Variants in TOGARAM1 observed in about 807,000 individuals in gnomAD.
TOGARAM1 encodes TOG array regulator of axonemal microtubules 1.
A neutral mutation model predicts 166.6 loss-of-function variants in TOGARAM1; 100 were observed. The observed-to-expected ratio is 0.60, with a 90% CI of 0.51 to 0.71. TOGARAM1 has a LOEUF of 0.71. TOGARAM1 is among the 30% of genes least tolerant of loss of function. The probability of loss-of-function intolerance (pLI) is 0.00; values close to 1 mark genes in which losing one functional copy is unlikely to be tolerated. For missense variants in TOGARAM1, 2,029 were observed against 2,102.7 expected (o/e 0.96, Z 0.69); for synonymous variants, 758 against 763.8 (o/e 0.99, Z 0.13).
intron 6 of TOGARAM1, among the ~76,000 whole-genome samples, chr14:45,010,457 T>G (rs1879722996): frequency 6.6e-6 from 1 of 152,192 alleles, no homozygotes; most frequent in Non-Finnish European, 1.5e-5. Context: ...AAAGTCCTTT[T>G]ATGATCTTCC....
chr14:45,007,338 C>A (rs1304939937), intron 5 of TOGARAM1: 1 of 149,946 alleles, frequency 6.7e-6, no homozygotes, highest in African/African-American at 2.4e-5. Context: ...TTTTTTTTTC[C>A]CAACTCATTT....
Position 45,073,283 on chromosome 14 carries a change from T to A in TOGARAM1, c.5057-13T>A, listed in dbSNP as rs770902894. ...TAAGAAAAAACCCTGTTTTTTATAT[T>A]TTTATGTTTCAGATATTGTTACGGA... On this transcript the variant is annotated splice_polypyrimidine_tract_variant and intron_variant, in intron 19 of 19. Coordinates refer to ENST00000361462, the MANE Select transcript of TOGARAM1 (RefSeq NM_001308120.2). 4 of 1,598,248 alleles carry A rather than the reference T, an allele frequency of 2.5e-6. No homozygotes were observed. The highest frequency in any genetic ancestry group is 3.4e-6 in the Non-Finnish European group (4 of 1,173,548).
At chr14:45,024,496 T>G (rs1177375046) in intron 7 of TOGARAM1, among the ~76,000 whole-genome samples, 1 of 152,200 alleles carries the variant, frequency 6.6e-6, no homozygotes, top group African/African-American at 2.4e-5. Context: ...AATGACAGCT[T>G]CTCTTATAAA....
chr14:44,985,292 C>G (rs557660796), intron 1 of TOGARAM1, among the ~76,000 whole-genome samples: 1 of 152,248 alleles, frequency 6.6e-6, no homozygotes, highest in Non-Finnish European at 1.5e-5. Context: ...GATTAACAGG[C>G]GTGAGCCATT....
intron 16 of TOGARAM1, among the ~76,000 whole-genome samples, chr14:45,054,832 T>G (rs1201524047): frequency 6.6e-6 from 1 of 152,184 alleles, no homozygotes; most frequent in African/African-American, 2.4e-5. Flanking sequence ...TTTTAAAAAT[T>G]TATAGCCTTT....
chr14:44,986,629 T>G (rs1016799632), intron 1 of TOGARAM1, among the ~76,000 whole-genome samples: 1 of 151,914 alleles, frequency 6.6e-6, no homozygotes, highest in African/African-American at 2.4e-5. Context: ...TGCCAGATAC[T>G]ACAGATACTA....
chr14:45,014,338 G>A (rs10145979), intron 7 of TOGARAM1, among the ~76,000 whole-genome samples: 7,054 of 152,108 alleles, frequency 0.046, 531 homozygotes, highest in African/African-American at 0.16. Flanking sequence ...TGTAACATCT[G>A]TTAATTCTGG....
chr14:45,051,884 A>G (rs1882387812), intron 14 of TOGARAM1, among the ~76,000 whole-genome samples: 1 of 152,096 alleles, frequency 6.6e-6, no homozygotes, highest in South Asian at 2.1e-4. Flanking sequence ...ACTTACAATG[A>G]GGTTATATCC....
At chr14:45,066,917 T>G in intron 17 of TOGARAM1, 150 bp downstream of exon 17, 1 of 482,786 alleles carries the variant, frequency 2.1e-6, no homozygotes, top group Middle Eastern at 5.8e-4. Context: ...ACCCTGTCTC[T>G]ACAAAAAAGA....
chr14:45,063,116 AT>A (rs908996082), intron 16 of TOGARAM1, among the ~76,000 whole-genome samples: 5 of 151,794 alleles, frequency 3.3e-5, no homozygotes, highest in East Asian at 3.9e-4. Context: ...AGGCTTATCC[AT>A]TTTTTTTAAT....
At chr14:44,977,110 A>T (rs114263757) in intron 1 of TOGARAM1, among the ~76,000 whole-genome samples, 5 of 152,130 alleles carry the variant, frequency 3.3e-5, no homozygotes, top group Non-Finnish European at 7.4e-5. Context: ...AAATTAATCA[A>T]TGTAGCTATC....
At chr14:45,054,381 C>A in intron 15 of TOGARAM1, 50 bp from the exon 16 acceptor site, 1 of 1,127,310 alleles carries the variant, frequency 8.9e-7, no homozygotes, top group Non-Finnish European at 1.3e-6. Context: ...TAAATTATTT[C>A]ACTACTAGTT....
At chr14:45,022,188 A>C (rs1309277209) in intron 7 of TOGARAM1, among the ~76,000 whole-genome samples, 1 of 151,898 alleles carries the variant, frequency 6.6e-6, no homozygotes, top group Non-Finnish European at 1.5e-5. Context: ...GTCACTCTGT[A>C]AGCCTCGGGG....
chr14:45,036,174 A>G (rs1881429077), intron 11 of TOGARAM1, among the ~76,000 whole-genome samples: 1 of 151,282 alleles, frequency 6.6e-6, no homozygotes, highest in African/African-American at 2.4e-5. Flanking sequence ...AAAGAAGCAA[A>G]ATGTCTGACA....
chr14:45,060,695 CT>C, intron 16 of TOGARAM1, among the ~76,000 whole-genome samples: 1 of 152,214 alleles, frequency 6.6e-6, no homozygotes, highest in Non-Finnish European at 1.5e-5. Flanking sequence ...TGTGGGAGGC[CT>C]TTTCCAAACA....
intron 16 of TOGARAM1, among the ~76,000 whole-genome samples, chr14:45,060,959 A>G (rs1332270629): frequency 6.6e-6 from 1 of 152,138 alleles, no homozygotes; most frequent in African/African-American, 2.4e-5. Flanking sequence ...GACTGTGTAA[A>G]TATCCTATTT....
rs1881217225 is a variant in TOGARAM1, at chr14:45,032,439, T to C, written c.3812+63T>C. 4.2e-6 allele frequency: 6 copies of C among 1,417,378 alleles called. No homozygotes were observed. The East Asian group carries it at 1.5e-4, about 35-fold the overall frequency. The allele number at this position is 1,417,378 out of a possible 1,614,324, so 87.8% of individuals were successfully genotyped here. On this transcript the variant is annotated intron_variant, in intron 11 of 19. Transcript: ENST00000361462. ...TCAAAAGCTTTCTGTAAATATTTAATTAAAAATCTTGAAACACATTTTCTA... is the reference window on the plus strand; with the variant it reads ...TCAAAAGCTTTCTGTAAATATTTAACTAAAAATCTTGAAACACATTTTCTA...
At chr14:45,030,465 A>G (rs558402045) in intron 10 of TOGARAM1, among the ~76,000 whole-genome samples, 4 of 152,308 alleles carry the variant, frequency 2.6e-5, no homozygotes, top group South Asian at 2.1e-4. Context: ...ACTTAGCACA[A>G]TACTAGGGAA....
intron 1 of TOGARAM1, among the ~76,000 whole-genome samples, chr14:44,982,043 A>G (rs1426910936): frequency 1.3e-5 from 2 of 151,886 alleles, no homozygotes; most frequent in Admixed American, 6.6e-5. Context: ...GGGTTTTGCT[A>G]TGTTGGCCAG....
Sources: allele counts gnomAD v4.1 joint callset (sites outside exome capture counted in the v4.1 genomes callset), GRCh38; gene constraint gnomAD v4.1.1; transcripts MANE v1.5; gene names NCBI Gene and HGNC (gene_info 2026-07-23, HGNC 2026-07-21).